COL4A6: variants seen among roughly 807,000 people sequenced by gnomAD.
COL4A6 encodes collagen type IV alpha 6 chain.
A neutral mutation model predicts 126.7 loss-of-function variants in COL4A6; 59 were observed. That is an observed-to-expected ratio of 0.47 (90% confidence interval 0.38 to 0.58). The LOEUF is 0.58. COL4A6 is among the 20% of genes least tolerant of loss of function. COL4A6 has a pLI of 0.00. For missense variants in COL4A6, 1,285 were observed against 1,337.3 expected (o/e 0.96, Z 0.61); for synonymous variants, 547 against 496.6 (o/e 1.10, Z -1.35).
At chrX:108,258,748 T>A (rs768956273) in intron 3 of COL4A6, among the ~76,000 whole-genome samples, 36 of 111,859 alleles carry the variant, frequency 3.2e-4, no homozygotes, top group African/African-American at 1.1e-3. Flanking sequence ...ATTATATTCC[T>A]CTCCTGAGTG....
intron 3 of COL4A6, among the ~76,000 whole-genome samples, chrX:108,274,396 G>A (rs1489225446): frequency 9.0e-6 from 1 of 111,511 alleles, no homozygotes; most frequent in Non-Finnish European, 1.9e-5. Flanking sequence ...CTGGTTACTG[G>A]CTCTGCGATG....
intron 2 of COL4A6, among the ~76,000 whole-genome samples, chrX:108,399,253 GTTTAA>G (rs1047126716): frequency 9.0e-6 from 1 of 111,416 alleles, no homozygotes; most frequent in African/African-American, 3.3e-5. Context: ...AACTCATTCA[GTTTAA>G]TTTAACAAAC....
At chrX:108,298,347 T>C (rs959013177) in intron 3 of COL4A6, among the ~76,000 whole-genome samples, 3 of 112,903 alleles carry the variant, frequency 2.7e-5, no homozygotes, top group African/African-American at 9.6e-5. Context: ...GTGGCCTGGC[T>C]TGGTGGGGCG....
chrX:108,425,156 C>A (rs2064050490), intron 2 of COL4A6, among the ~76,000 whole-genome samples: 1 of 100,313 alleles, frequency 1.0e-5, no homozygotes, highest in African/African-American at 3.7e-5. Flanking sequence ...GGGTGCTGCC[C>A]AGTTAACTGT....
intron 2 of COL4A6, among the ~76,000 whole-genome samples, chrX:108,349,162 T>C (rs2039783612): frequency 8.9e-6 from 1 of 111,977 alleles, no homozygotes; most frequent in Non-Finnish European, 1.9e-5. Context: ...GTTTGTCTGA[T>C]GCTTGAACGG....
At chrX:108,321,282 A>T (rs113629424) in intron 2 of COL4A6, among the ~76,000 whole-genome samples, 134 of 112,092 alleles carry the variant, frequency 1.2e-3, no homozygotes, top group African/African-American at 3.9e-3. Context: ...GTTAAGTATC[A>T]GAGTGGGGAT....
chrX:108,393,599 T>C (rs773360721), intron 2 of COL4A6, among the ~76,000 whole-genome samples: 58 of 112,309 alleles, frequency 5.2e-4, no homozygotes, highest in Non-Finnish European at 9.2e-4. Flanking sequence ...CTAAAAACCA[T>C]TGAACTATAC....
chrX:108,233,124 A>G (rs2036350761), intron 3 of COL4A6, among the ~76,000 whole-genome samples: 1 of 112,241 alleles, frequency 8.9e-6, no homozygotes, highest in Non-Finnish European at 1.9e-5. Flanking sequence ...GTTTAATTAC[A>G]ATCTGGAGCC....
chrX:108,348,488 G>C (rs1479582230), intron 2 of COL4A6, among the ~76,000 whole-genome samples: 2 of 111,399 alleles, frequency 1.8e-5, no homozygotes, highest in African/African-American at 6.5e-5. Flanking sequence ...TCTTTTGTTT[G>C]CATGAGTTTT....
chrX:108,408,953 C>CTCTG (rs989780001), intron 2 of COL4A6, among the ~76,000 whole-genome samples: 1 of 112,081 alleles, frequency 8.9e-6, no homozygotes, highest in Non-Finnish European at 1.9e-5. Context: ...AAGAGCGACA[C>CTCTG]TCTGTCTCAA....
intron 2 of COL4A6, among the ~76,000 whole-genome samples, chrX:108,333,333 A>T (rs2039352240): frequency 8.9e-6 from 1 of 111,921 alleles, no homozygotes. Flanking sequence ...TCATTTCAAT[A>T]GATGCAGAAA....
At chrX:108,372,011 T>C (rs1162737159) in intron 2 of COL4A6, among the ~76,000 whole-genome samples, 3 of 111,101 alleles carry the variant, frequency 2.7e-5, no homozygotes, top group African/African-American at 9.8e-5. Flanking sequence ...GAAATCTCCA[T>C]TTTGCTTCCC....
At chrX:108,284,522 C>A (rs1217026205) in intron 3 of COL4A6, among the ~76,000 whole-genome samples, 1 of 112,109 alleles carries the variant, frequency 8.9e-6, no homozygotes, top group South Asian at 3.7e-4. Context: ...TGACAACATA[C>A]AGAAACAAAA....
At chrX:108,400,694 G>A (rs1316716603) in intron 2 of COL4A6, among the ~76,000 whole-genome samples, 1 of 111,603 alleles carries the variant, frequency 9.0e-6, no homozygotes, top group East Asian at 2.8e-4. Flanking sequence ...GTGTGTGTGT[G>A]TGTGTATGTG....
intron 3 of COL4A6, among the ~76,000 whole-genome samples, chrX:108,273,503 A>G (rs1056632836): frequency 4.5e-5 from 5 of 112,023 alleles, no homozygotes; most frequent in African/African-American, 1.6e-4. Context: ...AGGATTATAA[A>G]TCATGCTACT....
chrX:108,404,448 T>A (rs1035323556), intron 2 of COL4A6, among the ~76,000 whole-genome samples: 2 of 111,564 alleles, frequency 1.8e-5, no homozygotes, highest in African/African-American at 6.5e-5. Context: ...ATATCCTCGG[T>A]TTTAAAAGAA....
At chrX:108,217,500 T>A (rs1340162143) in intron 5 of COL4A6, among the ~76,000 whole-genome samples, 1 of 111,084 alleles carries the variant, frequency 9.0e-6, no homozygotes, top group Non-Finnish European at 1.9e-5. Flanking sequence ...CAGAGTTTGG[T>A]CATGGGCCTC....
chrX:108,180,860 A>G (rs1273970419), intron 24 of COL4A6, 37 bp downstream of exon 24: 1 of 1,158,105 alleles, frequency 8.6e-7, no homozygotes, highest in African/African-American at 1.8e-5. Flanking sequence ...GGCCCTTACA[A>G]GAGTGTTTAG....
chrX:108,160,621 G>T lies in COL4A6; in HGVS notation c.4367C>A (p.Pro1456His). 1 of 1,210,267 alleles carries T rather than the reference G, an allele frequency of 8.3e-7. No individual in the cohort carries two copies. The highest frequency in any genetic ancestry group is 1.1e-6 in the Non-Finnish European group (1 of 894,838). ...TCTCATGCTCTGGCCAGGCATTCCA[G>T]GCATCCCGAAGGGGCCTTGCTGCCC... ...APGQQGPFGM[P>H]GMPGQSMRVG... The change falls in exon 43 of 45, where the codon CCT (proline) becomes CAT (histidine). Residue 1456 changes from proline to histidine, a missense_variant. Physicochemically the swap from Pro to His is moderately conservative, Grantham distance 77 (BLOSUM62 -2). Transcript: ENST00000334504.
Sources: allele counts gnomAD v4.1 joint callset (sites outside exome capture counted in the v4.1 genomes callset), GRCh38; gene constraint gnomAD v4.1.1; transcripts MANE v1.5; gene names NCBI Gene and HGNC (gene_info 2026-07-23, HGNC 2026-07-21).